Variants in NEDD4L observed in about 807,000 individuals in gnomAD.
NEDD4L encodes NEDD4 like E3 ubiquitin protein ligase.
In NEDD4L, 54 loss-of-function variants were observed where a neutral mutation model predicts 148.9. The observed-to-expected ratio is 0.36, with a 90% CI of 0.29 to 0.45. The LOEUF is 0.45. Ranked by LOEUF, NEDD4L falls within the 20% of genes least tolerant of loss-of-function variation. NEDD4L has a pLI of 1.00. For missense variants in NEDD4L, 856 were observed against 1,233.8 expected (o/e 0.69, Z 4.59); for synonymous variants, 433 against 440.7 (o/e 0.98, Z 0.22).
intron 2 of NEDD4L, chr18:58,195,749 G>A: frequency 7.5e-7 from 1 of 1,338,486 alleles, no homozygotes; most frequent in African/African-American, 1.5e-5. Context: ...TGCCACCGAA[G>A]GTTCCGTTCC....
At chr18:58,137,621 C>A (rs10460144) in intron 1 of NEDD4L, among the ~76,000 whole-genome samples, 2 of 152,012 alleles carry the variant, frequency 1.3e-5, no homozygotes, top group Non-Finnish European at 2.9e-5. Flanking sequence ...TCTTCCAACT[C>A]GTATCCTCCA....
intron 2 of NEDD4L, among the ~76,000 whole-genome samples, chr18:58,204,918 G>GA (rs2041820285): frequency 6.6e-6 from 1 of 152,254 alleles, no homozygotes; most frequent in African/African-American, 2.4e-5. Flanking sequence ...TGAAGAAAGG[G>GA]AAAAAATAGA....
chr18:58,215,732 GA>G (rs1048173628), intron 2 of NEDD4L, among the ~76,000 whole-genome samples: 2 of 152,048 alleles, frequency 1.3e-5, no homozygotes, highest in African/African-American at 2.4e-5. Context: ...GGAAAAAACA[GA>G]AAAAACAACA....
At chr18:58,176,125 A>C (rs749960380) in intron 2 of NEDD4L, among the ~76,000 whole-genome samples, 2 of 152,304 alleles carry the variant, frequency 1.3e-5, no homozygotes, top group East Asian at 3.9e-4. Context: ...ACATTTCCAC[A>C]TAAGCTTTTT....
chr18:58,050,807 CA>C (rs914427240), intron 1 of NEDD4L, among the ~76,000 whole-genome samples: 1 of 152,002 alleles, frequency 6.6e-6, no homozygotes, highest in Non-Finnish European at 1.5e-5. Context: ...AGGGTGAGGA[CA>C]GTGACAAATG....
At chr18:58,282,170 C>A (rs372481001) in intron 5 of NEDD4L, among the ~76,000 whole-genome samples, 1 of 120,622 alleles carries the variant, frequency 8.3e-6, no homozygotes, top group South Asian at 2.3e-4. Context: ...AAAATATCCG[C>A]GTGAGTGGTG....
chr18:58,310,423 A>T (rs1157342460), intron 5 of NEDD4L, among the ~76,000 whole-genome samples: 2 of 152,234 alleles, frequency 1.3e-5, no homozygotes, highest in Non-Finnish European at 2.9e-5. Context: ...GTTCTGGTGC[A>T]TATGAAGTGA....
At chr18:58,141,078 A>C (rs1254824340) in intron 1 of NEDD4L, among the ~76,000 whole-genome samples, 1 of 152,130 alleles carries the variant, frequency 6.6e-6, no homozygotes, top group African/African-American at 2.4e-5. Context: ...AGGGGAGGAT[A>C]ATATTAATAA....
rs148909166 is a variant in NEDD4L, at chr18:58,383,913, G to A, written c.2426+594G>A. Among the ~76,000 whole-genome samples, 553 of 152,292 alleles carry A rather than the reference G, an allele frequency of 3.6e-3. 2 individuals carry two copies. Among genetic ancestry groups the A allele is most frequent in the Non-Finnish European group, 6.7e-3 (459 of 68,022 alleles). On this transcript the variant is annotated intron_variant, in intron 25 of 30. Transcript: ENST00000400345. ...ACCAGGCAGAAGTTTTTCTCTGTTG[G>A]GCACGTTACGTTTTCTTTTTTAGTG...
chr18:58,096,862 T>C (rs2084443155), intron 1 of NEDD4L, among the ~76,000 whole-genome samples: 2 of 152,226 alleles, frequency 1.3e-5, no homozygotes, highest in South Asian at 2.1e-4. Context: ...ATGCGGTGTG[T>C]TGGAATGTGA....
chr18:58,180,932 G>C (rs892722001), intron 2 of NEDD4L, among the ~76,000 whole-genome samples: 7 of 152,202 alleles, frequency 4.6e-5, no homozygotes, highest in South Asian at 4.1e-4. Flanking sequence ...GGGGGTTACA[G>C]CACCCTCTGG....
chr18:58,274,185 C>A (rs2051508302), intron 5 of NEDD4L, among the ~76,000 whole-genome samples: 1 of 152,178 alleles, frequency 6.6e-6, no homozygotes, highest in African/African-American at 2.4e-5. Context: ...TTGGATGCTC[C>A]AGCCCATCAC....
intron 2 of NEDD4L, among the ~76,000 whole-genome samples, chr18:58,185,055 G>A (rs911224561): frequency 7.9e-5 from 12 of 152,328 alleles, no homozygotes; most frequent in East Asian, 3.9e-4. Context: ...AGCACCAGGC[G>A]TGCACGGCGT....
intron 5 of NEDD4L, among the ~76,000 whole-genome samples, chr18:58,263,660 C>CTTTTTTTTTTTTTTTTTTTT (rs71173041): frequency 9.6e-6 from 1 of 103,722 alleles, no homozygotes; most frequent in Non-Finnish European, 1.9e-5. Context: ...ACTTCTTAGG[C>CTTTTTTTTTTTTTTTTTTTT]TTTTTTTTTT....
At chr18:58,182,606 C>A (rs2038986738) in intron 2 of NEDD4L, among the ~76,000 whole-genome samples, 1 of 150,786 alleles carries the variant, frequency 6.6e-6, no homozygotes, top group African/African-American at 2.5e-5. Flanking sequence ...CTCAGCCTCC[C>A]AGGTAGCTGG....
At chr18:58,312,659 G>A (rs1286143072) in intron 5 of NEDD4L, among the ~76,000 whole-genome samples, 3 of 151,158 alleles carry the variant, frequency 2.0e-5, no homozygotes, top group East Asian at 1.9e-4. Context: ...TCCTCTGCAG[G>A]GTTGAAGACA....
At chr18:58,293,930 C>T (rs2055153126) in intron 5 of NEDD4L, among the ~76,000 whole-genome samples, 1 of 151,952 alleles carries the variant, frequency 6.6e-6, no homozygotes, top group African/African-American at 2.4e-5. Context: ...ACTCTGTTGC[C>T]CAGGCTGATC....
chr18:58,256,507 G>A lies in NEDD4L; in HGVS notation c.297+4453G>A, dbSNP rs1191099862. ...AGAGGAGCACCTCGTACCCCACGCA[G>A]CCCCGAAGCGAGCGAGGGAGCCCCA... is the stretch of plus-strand genomic sequence containing the variant. On this transcript the variant is annotated intron_variant, in intron 5 of 30. Transcript: ENST00000400345. The surrounding 1 kb of genome is among the most constrained non-coding windows in gnomAD (Gnocchi z 5.2). 2 of 1,232,138 alleles carry A rather than the reference G, an allele frequency of 1.6e-6. No homozygotes were observed. Among genetic ancestry groups the A allele is most frequent in the Non-Finnish European group, 2.0e-6 (2 of 988,056 alleles). The allele number at this position is 1,232,138 out of a possible 1,614,324, so 76.3% of individuals were successfully genotyped here.
At chr18:58,324,734 GT>G (rs1390450314) in intron 8 of NEDD4L, among the ~76,000 whole-genome samples, 1 of 152,176 alleles carries the variant, frequency 6.6e-6, no homozygotes, top group Non-Finnish European at 1.5e-5. Context: ...TCCAAATTGT[GT>G]TGTCCTGCAA....
Sources: allele counts gnomAD v4.1 joint callset (sites outside exome capture counted in the v4.1 genomes callset), GRCh38; gene constraint gnomAD v4.1.1; non-coding constraint Gnocchi (gnomAD v3.1); transcripts MANE v1.5; gene names NCBI Gene and HGNC (gene_info 2026-07-23, HGNC 2026-07-21).